LUC7L: variants seen among roughly 807,000 people sequenced by gnomAD.
LUC7L encodes putative RNA-binding protein Luc7-like 1.
In LUC7L, 29 loss-of-function variants were observed where a neutral mutation model predicts 51.1. That is an observed-to-expected ratio of 0.57 (90% CI 0.42 to 0.77). LUC7L has a LOEUF of 0.77. Among genes scored for constraint, LUC7L ranks in the 30% least tolerant of loss-of-function variants. The pLI, the probability that LUC7L is intolerant of heterozygous loss-of-function variation, is 0.00. For missense variants in LUC7L, 403 were observed against 511.9 expected, an observed-to-expected ratio of 0.79 and a Z score of 2.05; for synonymous variants, 181 against 180.7, an observed-to-expected ratio of 1.00 and a Z score of -0.01.
chr16:223,394 G>A (rs1244818568), intron 2 of LUC7L, among the ~76,000 whole-genome samples: 5 of 151,970 alleles, frequency 3.3e-5, no homozygotes, highest in Non-Finnish European at 5.9e-5. Flanking sequence ...AAGAAAGCAC[G>A]TGGCATACTC....
intron 6 of LUC7L, among the ~76,000 whole-genome samples, chr16:197,207 CTTTTTTTTTTTT>C (rs754309530): frequency 1.2e-4 from 10 of 80,388 alleles, no homozygotes; most frequent in African/African-American, 5.2e-4. Context: ...TGCACCCAGC[CTTTTTTTTTTTT>C]TTTTTTTTTT....
At chr16:203,902 G>A (rs1454904879) in intron 5 of LUC7L, among the ~76,000 whole-genome samples, 3 of 151,788 alleles carry the variant, frequency 2.0e-5, no homozygotes, top group Non-Finnish European at 4.4e-5. Flanking sequence ...TATAGTCTCA[G>A]CTACTCGGGA....
chr16:189,776 C>A (rs769527745), intron 9 of LUC7L, 192 bp downstream of exon 9: 15 of 1,416,798 alleles, frequency 1.1e-5, no homozygotes, highest in Non-Finnish European at 3.7e-6. Flanking sequence ...CAGCCCATCA[C>A]CTGGCGCCGT....
rs760632118 is a variant in LUC7L, at chr16:227,393, A to G, written c.62-57T>C. 91 of 1,545,616 alleles carry G rather than the reference A, an allele frequency of 5.9e-5. No homozygotes were observed. The Admixed American group carries it at 9.3e-4, about 16-fold the overall frequency. On this transcript the variant is annotated intron_variant, in intron 1 of 9. Coordinates refer to ENST00000293872, the MANE Select transcript of LUC7L (RefSeq NM_201412.3). ...ATATTATCACATTAACCACCAAAAA[A>G]TAACTAGTATAACAATTCACCTGGA...
rs1447615882 is a variant in LUC7L, at chr16:220,532, G to C, written c.255+117C>G. The C allele has an allele frequency of 4.0e-6, 3 of 751,986 alleles. No homozygotes were observed. In the East Asian group the frequency reaches 7.4e-5, roughly 18 times the overall value. 46.6% of individuals were successfully genotyped at this position (751,986 alleles called of 1,614,324 possible). The stretch of plus-strand genomic sequence containing the variant: ...TTCTAGCTCTGAGCTTGAGTGGCAG[G>C]ATAACAAGCAACTACCTTATTATTT... On this transcript the variant is annotated intron_variant, in intron 3 of 9. Coordinates refer to ENST00000293872, the MANE Select transcript of LUC7L (RefSeq NM_201412.3).
At chr16:222,588 G>A (rs1381397006) in intron 2 of LUC7L, among the ~76,000 whole-genome samples, 1 of 151,944 alleles carries the variant, frequency 6.6e-6, no homozygotes, top group Non-Finnish European at 1.5e-5. Flanking sequence ...CAAGTGAGCT[G>A]TGACTGAGCC....
chr16:189,651 A>C (rs540197981), intron 9 of LUC7L: 179 of 1,322,022 alleles, frequency 1.4e-4, no homozygotes, highest in Non-Finnish European at 1.6e-4. Flanking sequence ...AATATCAAAA[A>C]CAAAAACCAA....
chr16:219,055 G>A (rs576982045), intron 3 of LUC7L, among the ~76,000 whole-genome samples: 117 of 150,358 alleles, frequency 7.8e-4, no homozygotes, highest in African/African-American at 2.4e-3. Context: ...CCATCATCAC[G>A]CCACTGCCCT....
intron 7 of LUC7L, among the ~76,000 whole-genome samples, 170 bp downstream of exon 7, chr16:192,757 C>G (rs1309527444): frequency 6.6e-6 from 1 of 152,198 alleles, no homozygotes; most frequent in African/African-American, 2.4e-5. Flanking sequence ...CCCGCCTCAG[C>G]CTCCCAAACT....
At chr16:215,259 G>A (rs552472498) in intron 3 of LUC7L, among the ~76,000 whole-genome samples, 14 of 152,178 alleles carry the variant, frequency 9.2e-5, no homozygotes, top group African/African-American at 2.2e-4. Context: ...AGAGTGAGGC[G>A]GGCAGATCAC....
In LUC7L at chr16:227,285, C is replaced by T; in HGVS notation, c.113G>A (p.Ser38Asn). 1 of 1,613,072 alleles carries T rather than the reference C, an allele frequency of 6.2e-7. No individual in the cohort carries two copies. The highest frequency in any genetic ancestry group is 8.5e-7 in the Non-Finnish European group (1 of 1,179,514). Residue 38 changes from serine to asparagine, a missense_variant, in exon 2 of 10, where the codon AGT becomes AAT. This residue lies in a region of LUC7L where 182 missense variants were observed against 248.4 expected (regional missense o/e 0.73). Transcript: ENST00000293872. The stretch of plus-strand genomic sequence containing the variant: ...ATGGGGGCAGCAGTCCAGAAGGTGA[C>T]TCTTGCAGACACGGTCATCTGTAAA... ...VKFTDDRVCK[S>N]HLLDCCPHDI...
chr16:211,030 G>A (rs2049624584), intron 3 of LUC7L, among the ~76,000 whole-genome samples: 1 of 146,688 alleles, frequency 6.8e-6, no homozygotes, highest in African/African-American at 2.5e-5. Context: ...TCCAGCCTGG[G>A]TGACAGGGCA....
chr16:190,740 C>T lies in LUC7L; in HGVS notation c.777-170G>A, dbSNP rs116814287. ...ACTGAGAACACAAAACCTGGCCAGG[C>T]GTGGTGGCGGGTGCCTGTAATCCCA... is the stretch of plus-strand genomic sequence containing the variant. On this transcript the variant is annotated intron_variant, in intron 7 of 9. Transcript: ENST00000293872. The T allele has an allele frequency of 2.5e-3, 1,519 of 618,746 alleles. 18 individuals carry two copies. In the African/African-American group the frequency reaches 0.025, roughly 10 times the overall value. The allele number at this position is 618,746 out of a possible 1,614,324, so 38.3% of individuals were successfully genotyped here.
chr16:220,482 C>G, intron 3 of LUC7L, 167 bp downstream of exon 3: 1 of 598,418 alleles, frequency 1.7e-6, no homozygotes, highest in East Asian at 2.7e-5. Flanking sequence ...ACGCTGGACA[C>G]AACATATAAA....
intron 3 of LUC7L, among the ~76,000 whole-genome samples, chr16:214,201 G>T (rs554981745): frequency 6.6e-6 from 1 of 152,056 alleles, no homozygotes; most frequent in Admixed American, 6.6e-5. Context: ...CTGAGTAGCT[G>T]GGATTACAGG....
Position 192,947 on chromosome 16 carries a change from C to T in LUC7L, c.756G>A (p.Arg252=). 1.2e-6 allele frequency: 2 copies of T among 1,613,288 alleles called. No homozygotes were observed. The highest frequency in any genetic ancestry group is 1.7e-6 in the Non-Finnish European group (2 of 1,179,996). ...DRLRRREERE[R]EERLSRRSGS... The stretch of plus-strand genomic sequence containing the variant: ...CTCACCTCCTGCTCAGACGCTCCTC[C>T]CGTTCCCTCTCCTCTCTCCTCCTCA... Residue 252 remains arginine (R), a synonymous_variant, in exon 7 of 10, where the codon CGG becomes CGA. Coordinates refer to ENST00000293872, the MANE Select transcript of LUC7L (RefSeq NM_201412.3).
chr16:190,101 T>C lies in LUC7L; in HGVS notation c.841A>G (p.Arg281Gly). The part of the protein sequence containing the change: ...RSRDRRRRRS[R>G]STSRERRKLS... ...TTCCGTCGCTCTCGGGAGGTAGATC[T>C]TGACCGCCTCCGACGCCGATCCCGG... The change falls in exon 9 of 10, where the codon AGA becomes GGA. Residue 281 changes from arginine to glycine, a missense_variant. This residue lies in a region of LUC7L where 206 missense variants were observed against 218.3 expected (regional missense o/e 0.94). Coordinates refer to ENST00000293872, the MANE Select transcript of LUC7L (RefSeq NM_201412.3). The C allele has an allele frequency of 6.2e-7, 1 of 1,612,866 alleles. No individual in the cohort carries two copies. Among genetic ancestry groups the C allele is most frequent in the Non-Finnish European group, 8.5e-7 (1 of 1,179,982 alleles).
chr16:199,924 A>C (rs1187800038), intron 5 of LUC7L, among the ~76,000 whole-genome samples: 4 of 151,754 alleles, frequency 2.6e-5, no homozygotes, highest in Non-Finnish European at 4.4e-5. Flanking sequence ...TGGGAAGCGG[A>C]GGTTGCAGTG....
chr16:229,418 G>C lies in LUC7L; in HGVS notation c.-79C>G, dbSNP rs370802608. 474 of 1,305,456 alleles carry C rather than the reference G, an allele frequency of 3.6e-4. 2 individuals carry two copies. Among genetic ancestry groups the C allele is most frequent in the Non-Finnish European group, 6.9e-5 (68 of 984,412 alleles). The allele number at this position is 1,305,456 out of a possible 1,614,324, so 80.9% of individuals were successfully genotyped here. ...GTGGCAGCGGCGTCGACAAACGATG[G>C]TCGCGTCGGCCTCGAGCCCACTCGG... On this transcript the variant is annotated 5_prime_UTR_variant, in exon 1 of 10. Transcript: ENST00000293872.
Sources: allele counts gnomAD v4.1 joint callset (sites outside exome capture counted in the v4.1 genomes callset), GRCh38; gene constraint gnomAD v4.1.1; regional missense constraint gnomAD v4.1.1; transcripts MANE v1.5; gene names NCBI Gene and HGNC (gene_info 2026-07-23, HGNC 2026-07-21).